PSD3: variants seen among roughly 807,000 people sequenced by gnomAD.
The protein encoded by PSD3 is PH and SEC7 domain-containing protein 3.
PSD3 carries 49 observed loss-of-function variants against 105.5 expected under a neutral mutation model. The observed-to-expected ratio is 0.46, with a 90% CI of 0.37 to 0.59. The LOEUF (loss-of-function observed/expected upper bound fraction) is 0.59, where lower values mean the gene tolerates loss of function less well. PSD3 is among the 20% of genes least tolerant of loss of function. The pLI, the probability that PSD3 is intolerant of heterozygous loss-of-function variation, is 0.00. For synonymous variants in PSD3, 557 were observed against 457.8 expected (o/e 1.22, Z -2.77); for missense variants, 1,561 against 1,263.8 (o/e 1.24, Z -3.57).
At chr8:18,934,172 A>G (rs17468779) in intron 2 of PSD3, among the ~76,000 whole-genome samples, 17,083 of 152,224 alleles carry the variant, frequency 0.11, 1,049 homozygotes, top group Middle Eastern at 0.24. Flanking sequence ...ATGTGAGTCA[A>G]AAATGTGTAG....
intron 4 of PSD3, among the ~76,000 whole-genome samples, chr8:18,829,694 G>T (rs1447752103): frequency 6.6e-6 from 1 of 152,032 alleles, no homozygotes; most frequent in Non-Finnish European, 1.5e-5. Flanking sequence ...GGAAACCCTC[G>T]ACTGACATGA....
At chr8:18,739,107 A>T (rs756878801) in intron 9 of PSD3, among the ~76,000 whole-genome samples, 18 of 152,202 alleles carry the variant, frequency 1.2e-4, no homozygotes, top group Non-Finnish European at 2.1e-4. Flanking sequence ...CACATATGGA[A>T]AACTAGGAAA....
At chr8:18,884,204 TA>T (rs11303385) in intron 2 of PSD3, among the ~76,000 whole-genome samples, 25,018 of 150,320 alleles carry the variant, frequency 0.17, 2,132 homozygotes, top group South Asian at 0.27. Flanking sequence ...CTTGCAGAGT[TA>T]AAAAAAAAAT....
intron 4 of PSD3, among the ~76,000 whole-genome samples, chr8:18,819,575 A>ATTTTTTTTTTTTTT (rs746931460): frequency 2.3e-4 from 26 of 111,314 alleles, no homozygotes; most frequent in Non-Finnish European, 3.8e-4. Context: ...ATTAGAATGG[A>ATTTTTTTTTTTTTT]TTTTTTTTTT....
At chr8:18,625,145 T>C (rs1872891) in intron 11 of PSD3, among the ~76,000 whole-genome samples, 10 of 152,034 alleles carry the variant, frequency 6.6e-5, no homozygotes, top group Admixed American at 2.6e-4. Context: ...TTATCTTTAA[T>C]CTACGTGAAA....
At chr8:18,870,253 T>C (rs1220295619) in intron 3 of PSD3, among the ~76,000 whole-genome samples, 1 of 152,012 alleles carries the variant, frequency 6.6e-6, no homozygotes, top group Non-Finnish European at 1.5e-5. Context: ...AACTATAAAA[T>C]GTGGTGTCAT....
rs59083090 is a variant in PSD3, at chr8:18,755,755, A to AT, written c.2172+9693dup. On this transcript the variant is annotated intron_variant, in intron 9 of 15. Transcript: ENST00000327040. The stretch of plus-strand genomic sequence containing the variant: ...CATTGTAACAGACTTCTTTTTGGTA[A>AT]TTTTTTTTTTTTTTTAAGAAAACAC... Among the ~76,000 whole-genome samples the AT allele has an allele frequency of 2.8e-3, 408 of 143,590 alleles. 2 individuals carry two copies. Among genetic ancestry groups the AT allele is most frequent in the African/African-American group, 7.5e-3 (297 of 39,562 alleles). The allele number at this position is 143,590 out of a possible 152,430, so 94.2% of individuals were successfully genotyped here. A position where few individuals can be genotyped will look rare whatever the true frequency, so the allele number is the denominator to read the frequency against.
chr8:19,061,237 T>C (rs573327754), intron 1 of PSD3, among the ~76,000 whole-genome samples: 8 of 152,010 alleles, frequency 5.3e-5, no homozygotes, highest in South Asian at 2.1e-4. Flanking sequence ...CCACACCACA[T>C]TGAGAAAACA....
chr8:18,914,164 G>A (rs1413061680), intron 2 of PSD3, among the ~76,000 whole-genome samples: 1 of 145,262 alleles, frequency 6.9e-6, no homozygotes, highest in African/African-American at 2.6e-5. Flanking sequence ...CTCATAAACA[G>A]CATTTGAGAA....
chr8:19,005,262 A>G (rs1244776885), intron 1 of PSD3, among the ~76,000 whole-genome samples: 1 of 152,066 alleles, frequency 6.6e-6, no homozygotes, highest in Non-Finnish European at 1.5e-5. Flanking sequence ...CTATTCAGCA[A>G]TAACAAGGAA....
Position 18,756,928 on chromosome 8 carries a change from A to G in PSD3, c.2172+8521T>C, listed in dbSNP as rs1454821587. On this transcript the variant is annotated intron_variant, in intron 9 of 15. Coordinates refer to ENST00000327040, the MANE Select transcript of PSD3 (RefSeq NM_015310.4). The stretch of plus-strand genomic sequence containing the variant: ...CTTCCATAACCCAGTCAGAACAACT[A>G]GTGCATTCCACACGGGCACACTGCT... Among the ~76,000 whole-genome samples, 9 of 147,422 alleles carry G rather than the reference A, an allele frequency of 6.1e-5. 1 individual carries two copies. Among genetic ancestry groups the G allele is most frequent in the Admixed American group, 2.8e-4 (4 of 14,534 alleles).
intron 4 of PSD3, among the ~76,000 whole-genome samples, chr8:18,863,337 G>C (rs975881702): frequency 6.6e-6 from 1 of 152,136 alleles, no homozygotes; most frequent in Non-Finnish European, 1.5e-5. Flanking sequence ...GTGTATAATT[G>C]TAAGTCTCTA....
At chr8:18,892,309 T>C (rs1818845678) in intron 2 of PSD3, among the ~76,000 whole-genome samples, 1 of 151,878 alleles carries the variant, frequency 6.6e-6, no homozygotes, top group African/African-American at 2.4e-5. Context: ...ATGCAAGCTC[T>C]GCCTCCTGGG....
chr8:18,711,281 C>A (rs1178009991), intron 9 of PSD3, among the ~76,000 whole-genome samples: 1 of 152,166 alleles, frequency 6.6e-6, no homozygotes, highest in African/African-American at 2.4e-5. Context: ...CAAATTCACA[C>A]ATAACAATAT....
chr8:18,684,459 GA>G (rs566277717), intron 9 of PSD3, among the ~76,000 whole-genome samples: 1 of 151,804 alleles, frequency 6.6e-6, no homozygotes, highest in African/African-American at 2.4e-5. Flanking sequence ...CCACAAGGAA[GA>G]AAAAAAATAT....
At chr8:19,035,848 G>GCCTCATCCTCTCA (rs1827924209) in intron 1 of PSD3, among the ~76,000 whole-genome samples, 1 of 152,058 alleles carries the variant, frequency 6.6e-6, no homozygotes, top group African/African-American at 2.4e-5. Flanking sequence ...TCCACCTCCT[G>GCCTCATCCTCTCA]AGTTCAAGCC....
intron 9 of PSD3, among the ~76,000 whole-genome samples, chr8:18,692,335 G>A (rs186066778): frequency 1.1e-3 from 169 of 152,270 alleles, no homozygotes; most frequent in African/African-American, 3.9e-3. Flanking sequence ...CCAATACAAT[G>A]GAAGAGAATC....
At chr8:18,984,448 G>C in intron 1 of PSD3, among the ~76,000 whole-genome samples, 1 of 151,744 alleles carries the variant, frequency 6.6e-6, no homozygotes, top group East Asian at 1.9e-4. Flanking sequence ...CAATCAACCA[G>C]AATTATTTTA....
intron 11 of PSD3, among the ~76,000 whole-genome samples, chr8:18,607,682 A>AG (rs1804945135): frequency 9.3e-6 from 1 of 108,020 alleles, no homozygotes; most frequent in African/African-American, 3.5e-5. Context: ...CTCCACTGCT[A>AG]CAAAAAAAAA....
Sources: allele counts gnomAD v4.1 joint callset (sites outside exome capture counted in the v4.1 genomes callset), GRCh38; gene constraint gnomAD v4.1.1; transcripts MANE v1.5; gene names NCBI Gene and HGNC (gene_info 2026-07-23, HGNC 2026-07-21).